EPHA6: variants seen among roughly 807,000 people sequenced by gnomAD.
EPHA6 encodes EPH receptor A6.
Under a neutral mutation model 112.0 loss-of-function variants are expected in EPHA6, and 50 were observed. The observed-to-expected ratio is 0.45, with a 90% confidence interval of 0.36 to 0.56. EPHA6 has a LOEUF of 0.56. EPHA6 is among the 20% of genes least tolerant of loss of function. The pLI, the probability that EPHA6 is intolerant of heterozygous loss-of-function variation, is 0.00. For missense variants in EPHA6, 1,280 were observed against 1,417.4 expected, an observed-to-expected ratio of 0.90 and a Z score of 1.56; for synonymous variants, 529 against 490.7, an observed-to-expected ratio of 1.08 and a Z score of -1.03.
chr3:97,041,861 A>T (rs1273627832), intron 3 of EPHA6, among the ~76,000 whole-genome samples: 1 of 152,064 alleles, frequency 6.6e-6, no homozygotes, highest in Non-Finnish European at 1.5e-5. Flanking sequence ...TGCGAACAGC[A>T]AGGGGAAAAT....
intron 5 of EPHA6, among the ~76,000 whole-genome samples, chr3:97,350,370 T>A (rs2083749075): frequency 6.6e-6 from 1 of 152,126 alleles, no homozygotes; most frequent in Non-Finnish European, 1.5e-5. Context: ...AGTATCACAA[T>A]GCAGAACATT....
chr3:97,616,118 A>C (rs2093764007), intron 13 of EPHA6, among the ~76,000 whole-genome samples: 1 of 152,186 alleles, frequency 6.6e-6, no homozygotes, highest in Non-Finnish European at 1.5e-5. Flanking sequence ...TCACAGAGGA[A>C]GGGCCATCTT....
chr3:97,154,529 A>G (rs895607224), intron 3 of EPHA6, among the ~76,000 whole-genome samples: 1 of 152,196 alleles, frequency 6.6e-6, no homozygotes, highest in Non-Finnish European at 1.5e-5. Flanking sequence ...AATATACATT[A>G]CATTATTAGT....
At chr3:97,375,083 C>G (rs943597839) in intron 5 of EPHA6, among the ~76,000 whole-genome samples, 14 of 152,154 alleles carry the variant, frequency 9.2e-5, no homozygotes, top group African/African-American at 3.4e-4. Flanking sequence ...CTATTTTTTC[C>G]TATTTCTCCA....
At position 97,675,109 on chromosome 3, in the gene EPHA6, A is replaced by G. The variant is rs556901567; in HGVS notation, c.2784+37027A>G. Among the ~76,000 whole-genome samples, 5 of 152,318 alleles carry G rather than the reference A, an allele frequency of 3.3e-5. No individual in the cohort carries two copies. The East Asian group carries it at 9.6e-4, about 29-fold the overall frequency. ...CACCTAACAAAACGTGTAGAAAGCA[A>G]TTAGAGACCTGCATCAATTCTGGTT... On this transcript the variant is annotated intron_variant, in intron 14 of 17. Transcript: ENST00000389672.
chr3:96,866,490 A>G (rs957428775), intron 1 of EPHA6, among the ~76,000 whole-genome samples: 1 of 151,998 alleles, frequency 6.6e-6, no homozygotes, highest in African/African-American at 2.4e-5. Context: ...AATACTGTAA[A>G]TGAAAGTGGG....
At chr3:97,032,136 T>C (rs1370592495) in intron 3 of EPHA6, among the ~76,000 whole-genome samples, 1 of 152,150 alleles carries the variant, frequency 6.6e-6, no homozygotes, top group Non-Finnish European at 1.5e-5. Flanking sequence ...GATGAGTTCA[T>C]GTCCTTTGTA....
intron 1 of EPHA6, among the ~76,000 whole-genome samples, chr3:96,841,863 T>G (rs1372569967): frequency 6.6e-6 from 1 of 152,116 alleles, no homozygotes; most frequent in African/African-American, 2.4e-5. Flanking sequence ...TGAGGAAGGT[T>G]TAGTACCAGA....
chr3:96,870,379 G>C (rs143881072), intron 2 of EPHA6, among the ~76,000 whole-genome samples: 1 of 152,064 alleles, frequency 6.6e-6, no homozygotes, highest in African/African-American at 2.4e-5. Context: ...CGCAGCTTAA[G>C]AAGAAGGAGC....
At chr3:97,050,267 C>G (rs2045643498) in intron 3 of EPHA6, among the ~76,000 whole-genome samples, 1 of 152,120 alleles carries the variant, frequency 6.6e-6, no homozygotes, top group African/African-American at 2.4e-5. Context: ...TCTGGATACA[C>G]AGCAAATTGT....
At chr3:97,317,187 C>T (rs1269793528) in intron 5 of EPHA6, among the ~76,000 whole-genome samples, 1 of 151,398 alleles carries the variant, frequency 6.6e-6, no homozygotes, top group African/African-American at 2.4e-5. Context: ...CACTGTCAGC[C>T]CTGTTATGGT....
At chr3:97,132,959 G>A (rs936056442) in intron 3 of EPHA6, among the ~76,000 whole-genome samples, 3 of 151,946 alleles carry the variant, frequency 2.0e-5, no homozygotes, top group East Asian at 1.9e-4. Context: ...TCAAGGTAAC[G>A]TTTTACTCTC....
intron 10 of EPHA6, 132 bp downstream of exon 10, chr3:97,484,191 T>C: frequency 1.4e-6 from 1 of 692,388 alleles, no homozygotes; most frequent in East Asian, 3.3e-5. Context: ...TAAAGTGATC[T>C]TGTATATGTT....
chr3:96,944,264 G>A (rs2041135769), intron 2 of EPHA6, among the ~76,000 whole-genome samples: 1 of 151,532 alleles, frequency 6.6e-6, no homozygotes, highest in African/African-American at 2.4e-5. Flanking sequence ...TTTATCAGCA[G>A]CTTTTATCAT....
In EPHA6 at chr3:97,459,787, A is replaced by G. The variant is rs866603891; in HGVS notation, c.1894+11057A>G. ...CTAGAGACGATTTTAGCCTTAAAAA[A>G]TTCACCTACTGAAGGTGCTAGAACC... On this transcript the variant is annotated intron_variant, in intron 7 of 17. Coordinates refer to ENST00000389672, the MANE Select transcript of EPHA6 (RefSeq NM_001080448.3). Among the ~76,000 whole-genome samples the G allele has an allele frequency of 3.9e-5, 6 of 152,336 alleles. No individual in the cohort carries two copies. In the East Asian group the frequency reaches 9.6e-4, roughly 24 times the overall value.
chr3:97,269,210 A>G (rs2108636585), intron 5 of EPHA6, among the ~76,000 whole-genome samples: 1 of 152,268 alleles, frequency 6.6e-6, no homozygotes, highest in East Asian at 1.9e-4. Context: ...ACTGTTGATC[A>G]TTTCAATTGT....
At chr3:96,939,349 C>T (rs948864834) in intron 2 of EPHA6, among the ~76,000 whole-genome samples, 7 of 152,188 alleles carry the variant, frequency 4.6e-5, no homozygotes, top group South Asian at 2.1e-4. Flanking sequence ...GTGTATGTGT[C>T]GAGGAATTTA....
At chr3:96,826,830 C>G (rs1029241840) in intron 1 of EPHA6, among the ~76,000 whole-genome samples, 2 of 152,094 alleles carry the variant, frequency 1.3e-5, no homozygotes, top group Non-Finnish European at 2.9e-5. Context: ...TCTGAAGACT[C>G]ATGCACACAT....
intron 3 of EPHA6, among the ~76,000 whole-genome samples, chr3:97,187,699 AAGAAAG>A (rs1258104445): frequency 7.7e-6 from 1 of 130,336 alleles, no homozygotes; most frequent in Non-Finnish European, 1.7e-5. Flanking sequence ...GAAAGAAAGA[AAGAAAG>A]AAAGAAAGAA....
Sources: allele counts gnomAD v4.1 joint callset (sites outside exome capture counted in the v4.1 genomes callset), GRCh38; gene constraint gnomAD v4.1.1; transcripts MANE v1.5; gene names NCBI Gene and HGNC (gene_info 2026-07-23, HGNC 2026-07-21).